PAPOLA: variants seen among roughly 807,000 people sequenced by gnomAD.
The protein encoded by PAPOLA is polynucleotide adenylyltransferase alpha.
A neutral mutation model predicts 100.6 loss-of-function variants in PAPOLA; 15 were observed. The observed-to-expected ratio is 0.15, with a 90% CI of 0.10 to 0.23. The LOEUF (loss-of-function observed/expected upper bound fraction) is 0.23, where lower values mean the gene tolerates loss of function less well. Among genes scored for constraint, PAPOLA ranks in the 10% least tolerant of loss-of-function variants. The pLI is 1.00. For synonymous variants in PAPOLA, 293 were observed against 300.0 expected (o/e 0.98, Z 0.24); for missense variants, 533 against 884.2 (o/e 0.60, Z 5.04).
intron 1 of PAPOLA, among the ~76,000 whole-genome samples, chr14:96,505,681 G>A (rs1896661754): frequency 6.6e-6 from 1 of 152,128 alleles, no homozygotes; most frequent in Admixed American, 6.5e-5. Context: ...CCCAGAGCGG[G>A]ATCTGTGGAT....
intron 2 of PAPOLA, among the ~76,000 whole-genome samples, chr14:96,520,568 G>T (rs1440428023): frequency 6.6e-6 from 1 of 151,558 alleles, no homozygotes; most frequent in African/African-American, 2.4e-5. Context: ...GTAGAGGTGG[G>T]GTTTCACCAT....
At chr14:96,518,757 G>GT (rs1242017936) in intron 1 of PAPOLA, among the ~76,000 whole-genome samples, 1 of 151,162 alleles carries the variant, frequency 6.6e-6, no homozygotes, top group Non-Finnish European at 1.5e-5. Flanking sequence ...TTAGAACTTG[G>GT]TAAAAAAAAG....
intron 1 of PAPOLA, among the ~76,000 whole-genome samples, chr14:96,503,306 G>A (rs896964235): frequency 2.6e-5 from 4 of 152,160 alleles, no homozygotes; most frequent in African/African-American, 7.2e-5. Context: ...TTTTGATGGG[G>A]TAACCAGGTT....
At chr14:96,538,864 A>G (rs1899747791) in intron 12 of PAPOLA, among the ~76,000 whole-genome samples, 5 of 152,058 alleles carry the variant, frequency 3.3e-5, no homozygotes, top group South Asian at 2.1e-4. Context: ...AGTTGATTCA[A>G]TCTTATTTGA....
At chr14:96,552,802 C>T in intron 17 of PAPOLA, 180 bp downstream of exon 17, 1 of 565,466 alleles carries the variant, frequency 1.8e-6, no homozygotes, top group Non-Finnish European at 3.1e-6. Context: ...TTTGTCTTGT[C>T]ATACTTAACA....
intron 11 of PAPOLA, among the ~76,000 whole-genome samples, chr14:96,536,446 A>G (rs1189607799): frequency 6.6e-6 from 1 of 152,094 alleles, no homozygotes; most frequent in Non-Finnish European, 1.5e-5. Context: ...TATAGCTACT[A>G]CCAAATAGTC....
At position 96,542,888 on chromosome 14, in the gene PAPOLA, C is replaced by A. The variant is rs757697345; in HGVS notation, c.1284C>A (p.Pro428=). ...CATTTCCAGCACCCAAAGAAAATCC[C>A]GACAAGTAAGCCCTTTTCTAATTTA... ...PQSFPAPKEN[P]DKEEFRTMWV... Residue 428 remains proline, a synonymous_variant, in exon 14 of 22, where the codon CCC becomes CCA. Coordinates refer to ENST00000216277, the MANE Select transcript of PAPOLA (RefSeq NM_032632.5). The A allele has an allele frequency of 1.2e-6, 2 of 1,611,702 alleles. No individual in the cohort carries two copies. Among genetic ancestry groups the A allele is most frequent in the African/African-American group, 1.3e-5 (1 of 74,830 alleles).
Position 96,558,864 on chromosome 14 carries a change from G to A in PAPOLA, c.2005-1785G>A, listed in dbSNP as rs1901572210. Among the ~76,000 whole-genome samples, 3 of 152,064 alleles carry A rather than the reference G, an allele frequency of 2.0e-5. No individual in the cohort carries two copies. In the South Asian group the frequency reaches 6.2e-4, roughly 31 times the overall value. On this transcript the variant is annotated intron_variant, in intron 19 of 21. Coordinates refer to ENST00000216277, the MANE Select transcript of PAPOLA (RefSeq NM_032632.5). ...CAAACATCTAGTCAGTGCTCAAATG[G>A]CCCCTGATTGTTTCATTGATTTTTT...
At chr14:96,557,781 A>G (rs953590037) in intron 19 of PAPOLA, among the ~76,000 whole-genome samples, 1 of 151,200 alleles carries the variant, frequency 6.6e-6, no homozygotes, top group African/African-American at 2.4e-5. Flanking sequence ...GCTATTAACT[A>G]AAAGTAATCT....
intron 20 of PAPOLA, among the ~76,000 whole-genome samples, chr14:96,562,091 A>T (rs1346635834): frequency 2.0e-5 from 3 of 151,836 alleles, no homozygotes; most frequent in Non-Finnish European, 4.4e-5. Context: ...ATGGGGTTTC[A>T]CCATGTTGGC....
intron 1 of PAPOLA, among the ~76,000 whole-genome samples, chr14:96,513,886 GT>G (rs1292071722): frequency 1.3e-5 from 2 of 152,178 alleles, no homozygotes; most frequent in Non-Finnish European, 2.9e-5. Context: ...TTTGATGTAA[GT>G]AAACCTGTTT....
chr14:96,542,396 A>G (rs1900063780), intron 13 of PAPOLA, 100 bp downstream of exon 13: 11 of 733,616 alleles, frequency 1.5e-5, no homozygotes, highest in Middle Eastern at 2.9e-4. Flanking sequence ...TAAAACTTCT[A>G]GTTTGGTTTG....
chr14:96,533,037 T>C lies in PAPOLA; in HGVS notation c.836+388T>C, dbSNP rs1297745682. The C allele has an allele frequency of 7.1e-6, 7 of 983,066 alleles. 1 individual carries two copies. The highest frequency in any genetic ancestry group is 6.1e-5 in the Admixed American group (1 of 16,370). 60.9% of individuals were successfully genotyped at this position (983,066 alleles called of 1,614,324 possible). A position where few individuals can be genotyped will look rare whatever the true frequency, so the allele number is the denominator to read the frequency against. ...GGCCATTAGTTTCTTGTGATTGTTTTTTTTTTCTTTTTGCTTTCAGCATTT... is the reference window on the plus strand; with the variant it reads ...GGCCATTAGTTTCTTGTGATTGTTTCTTTTTTCTTTTTGCTTTCAGCATTT... On this transcript the variant is annotated intron_variant, in intron 9 of 21. Transcript: ENST00000216277.
chr14:96,549,374 G>C (rs934447724), intron 16 of PAPOLA, among the ~76,000 whole-genome samples: 25 of 151,486 alleles, frequency 1.7e-4, no homozygotes, highest in Non-Finnish European at 2.9e-5. Flanking sequence ...TCAGCCTCAT[G>C]AGTAGCTGGG....
chr14:96,545,596 A>G (rs1313292210), intron 15 of PAPOLA, among the ~76,000 whole-genome samples: 2 of 152,078 alleles, frequency 1.3e-5, no homozygotes, highest in African/African-American at 4.8e-5. Context: ...CATTTTTTAA[A>G]TTTAAAATTG....
chr14:96,503,111 C>T (rs1896436142), intron 1 of PAPOLA, among the ~76,000 whole-genome samples: 1 of 152,210 alleles, frequency 6.6e-6, no homozygotes, highest in South Asian at 2.1e-4. Flanking sequence ...GTCTTGTGCG[C>T]CGGAGTTAGC....
chr14:96,532,302 G>T (rs773993665), intron 7 of PAPOLA, 29 bp from the exon 8 acceptor site: 32 of 1,564,082 alleles, frequency 2.0e-5, no homozygotes, highest in East Asian at 2.3e-5. Context: ...GTGTGTGTGT[G>T]TGTGTTTTTT....
At chr14:96,519,808 T>C (rs1286832180) in intron 1 of PAPOLA, among the ~76,000 whole-genome samples, 1 of 152,234 alleles carries the variant, frequency 6.6e-6, no homozygotes, top group Non-Finnish European at 1.5e-5. Context: ...ATTAGTGTTT[T>C]CTCTAGCAAT....
chr14:96,532,759 G>A, intron 9 of PAPOLA, 110 bp downstream of exon 9: 1 of 1,429,826 alleles, frequency 7.0e-7, no homozygotes, highest in Non-Finnish European at 9.1e-7. Flanking sequence ...AGTTCATGAT[G>A]TAGTCATGTA....
Sources: gnomAD v4.1 joint callset for allele counts (sites outside exome capture counted in the v4.1 genomes callset) on GRCh38, gnomAD v4.1.1 for gene constraint, MANE v1.5 for transcripts, NCBI Gene and HGNC (gene_info 2026-07-23, HGNC 2026-07-21) for gene names.